Variants in HPSE2 observed in about 807,000 individuals in gnomAD.
The protein encoded by HPSE2 is heparanase 2 (inactive).
A neutral mutation model predicts 60.5 loss-of-function variants in HPSE2; 38 were observed. The ratio of observed to expected loss-of-function variants is 0.63; its 90% CI spans 0.48 to 0.82. The LOEUF (loss-of-function observed/expected upper bound fraction) is 0.82. Among genes scored for constraint, HPSE2 ranks in the 40% least tolerant of loss-of-function variants. The probability of loss-of-function intolerance (pLI) is 0.00; values close to 1 mark genes in which losing one functional copy is unlikely to be tolerated. For synonymous variants in HPSE2, 295 were observed against 293.2 expected, an observed-to-expected ratio of 1.01 and a Z score of -0.06; for missense variants, 713 against 740.4, an observed-to-expected ratio of 0.96 and a Z score of 0.43.
At chr10:99,020,672 A>G (rs928684032) in intron 3 of HPSE2, among the ~76,000 whole-genome samples, 1 of 152,170 alleles carries the variant, frequency 6.6e-6, no homozygotes, top group Non-Finnish European at 1.5e-5. Context: ...GGTGAATGTC[A>G]TAATGGAGGT....
At chr10:98,900,484 T>C (rs1482978766) in intron 3 of HPSE2, among the ~76,000 whole-genome samples, 1 of 152,164 alleles carries the variant, frequency 6.6e-6, no homozygotes, top group East Asian at 1.9e-4. Context: ...ACAGTACATG[T>C]TCATACAAAT....
intron 9 of HPSE2, among the ~76,000 whole-genome samples, chr10:98,509,349 A>G (rs1276069434): frequency 6.6e-6 from 1 of 152,056 alleles, no homozygotes; most frequent in Non-Finnish European, 1.5e-5. Context: ...GAAGAAAAAA[A>G]GAGGTTAGTT....
Position 98,727,908 on chromosome 10 carries a change from G to A in HPSE2, c.785-6080C>T, listed in dbSNP as rs191312503. Among the ~76,000 whole-genome samples the A allele has an allele frequency of 5.8e-3, 889 of 152,196 alleles. 3 individuals are homozygous for A. Among genetic ancestry groups the A allele is most frequent in the African/African-American group, 0.02 (838 of 41,538 alleles). ...GGTAGGATGATATATTCAAAATGCT[G>A]AAAGAAAACAAAACAAAACTGATAA... is the stretch of plus-strand genomic sequence containing the variant. On this transcript the variant is annotated intron_variant, in intron 4 of 11. Transcript: ENST00000370552.
At chr10:99,187,474 A>T (rs1353993887) in intron 2 of HPSE2, among the ~76,000 whole-genome samples, 1 of 152,228 alleles carries the variant, frequency 6.6e-6, no homozygotes, top group East Asian at 1.9e-4. Context: ...ACCAGATACA[A>T]GGAAAAATAT....
chr10:98,822,349 C>T (rs1413625605), intron 3 of HPSE2, among the ~76,000 whole-genome samples: 3 of 152,096 alleles, frequency 2.0e-5, no homozygotes, highest in African/African-American at 4.8e-5. Context: ...AAGATATTTC[C>T]TTTAACCTCC....
chr10:98,985,466 T>G (rs544567953), intron 3 of HPSE2, among the ~76,000 whole-genome samples: 21 of 152,326 alleles, frequency 1.4e-4, no homozygotes, highest in Admixed American at 1.2e-3. Context: ...CCACCAGGCC[T>G]GCCCTAAAAC....
At chr10:98,719,870 A>G (rs778366688) in intron 5 of HPSE2, among the ~76,000 whole-genome samples, 27 of 151,852 alleles carry the variant, frequency 1.8e-4, no homozygotes, top group Non-Finnish European at 3.8e-4. Flanking sequence ...GCATGGTGGC[A>G]CACACCTGTA....
chr10:98,700,340 C>T (rs1354428624), intron 5 of HPSE2, among the ~76,000 whole-genome samples: 1 of 127,730 alleles, frequency 7.8e-6, no homozygotes, highest in Non-Finnish European at 1.8e-5. Flanking sequence ...AATAACGCCG[C>T]ATATCTACAA....
At chr10:99,068,378 G>T (rs1290046888) in intron 3 of HPSE2, among the ~76,000 whole-genome samples, 1 of 152,196 alleles carries the variant, frequency 6.6e-6, no homozygotes, top group Non-Finnish European at 1.5e-5. Flanking sequence ...GTTCCACGTG[G>T]CTGGGGAGAC....
chr10:98,664,728 T>C (rs1369909483), intron 6 of HPSE2, among the ~76,000 whole-genome samples: 5 of 152,172 alleles, frequency 3.3e-5, no homozygotes, highest in African/African-American at 4.8e-5. Context: ...GGCAAAAATC[T>C]AGACACAAAT....
At chr10:99,103,355 C>T (rs567004191) in intron 3 of HPSE2, among the ~76,000 whole-genome samples, 90 of 152,162 alleles carry the variant, frequency 5.9e-4, no homozygotes, top group African/African-American at 2.1e-3. Context: ...AAACAGAGAG[C>T]CACATCATCA....
chr10:99,011,754 CAAAAAAAA>C (rs5787319), intron 3 of HPSE2, among the ~76,000 whole-genome samples: 1 of 93,108 alleles, frequency 1.1e-5, no homozygotes, highest in African/African-American at 4.5e-5. Context: ...GACTCCATCT[CAAAAAAAA>C]AAAAAAAAAA....
At chr10:98,666,539 G>A (rs556480253) in intron 6 of HPSE2, among the ~76,000 whole-genome samples, 1 of 152,208 alleles carries the variant, frequency 6.6e-6, no homozygotes, top group East Asian at 1.9e-4. Flanking sequence ...GAGTCATAGA[G>A]CAAGTCTCAA....
At chr10:98,645,012 G>T (rs921410185) in intron 6 of HPSE2, among the ~76,000 whole-genome samples, 23 of 152,102 alleles carry the variant, frequency 1.5e-4, no homozygotes, top group African/African-American at 5.6e-4. Context: ...CTAAATAAGG[G>T]AGGGAACAAG....
chr10:98,709,167 C>G (rs1170391427), intron 5 of HPSE2, among the ~76,000 whole-genome samples: 1 of 152,178 alleles, frequency 6.6e-6, no homozygotes, highest in African/African-American at 2.4e-5. Flanking sequence ...GCCCAAACCA[C>G]ATAAATGAAC....
At chr10:99,194,217 T>C (rs1158611506) in intron 2 of HPSE2, among the ~76,000 whole-genome samples, 1 of 151,676 alleles carries the variant, frequency 6.6e-6, no homozygotes, top group Admixed American at 6.6e-5. Context: ...AAAAATTTCT[T>C]TAAATAAATG....
chr10:99,004,610 T>G (rs1956851219), intron 3 of HPSE2, among the ~76,000 whole-genome samples: 1 of 152,174 alleles, frequency 6.6e-6, no homozygotes. Context: ...TTAAGAAATT[T>G]TTGTAGCTAT....
At chr10:98,518,688 C>T (rs1483450907) in intron 9 of HPSE2, among the ~76,000 whole-genome samples, 1 of 144,498 alleles carries the variant, frequency 6.9e-6, no homozygotes, top group African/African-American at 2.5e-5. Flanking sequence ...GCCTGGGCCA[C>T]AGAGTGAGAC....
intron 3 of HPSE2, among the ~76,000 whole-genome samples, chr10:99,132,191 A>AG: frequency 1.4e-5 from 1 of 71,900 alleles, no homozygotes; most frequent in East Asian, 5.9e-4. Flanking sequence ...GAAAGAAAGA[A>AG]AGAGAGAGAG....
Sources: gnomAD v4.1 joint callset for allele counts (sites outside exome capture counted in the v4.1 genomes callset) on GRCh38, gnomAD v4.1.1 for gene constraint, MANE v1.5 for transcripts, NCBI Gene and HGNC (gene_info 2026-07-23, HGNC 2026-07-21) for gene names.